Variants in PNPLA6 observed in about 807,000 individuals in gnomAD.
PNPLA6 encodes the protein patatin-like phospholipase domain-containing protein 6.
Under a neutral mutation model 153.7 loss-of-function variants are expected in PNPLA6, and 105 were observed. That is an observed-to-expected ratio of 0.68 (90% CI 0.58 to 0.80). The LOEUF (loss-of-function observed/expected upper bound fraction) is 0.80. PNPLA6 is among the 30% of genes least tolerant of loss of function. PNPLA6 has a pLI of 0.00. For synonymous variants in PNPLA6, 825 were observed against 822.2 expected (o/e 1.00, Z -0.06); for missense variants, 1,423 against 1,919.3 (o/e 0.74, Z 4.83).
At position 7,540,955 on chromosome 19, in the gene PNPLA6, C is replaced by G; in HGVS notation, c.828C>G (p.Ala276=). Residue 276 remains alanine (A), a synonymous_variant, in exon 7 of 32, where the codon GCC becomes GCG. Coordinates refer to ENST00000600737, the MANE Select transcript of PNPLA6 (RefSeq NM_001166114.2). This position sits in a 1 kb window ranked among gnomAD's most constrained non-coding sequence, Gnocchi z 6.8. Reference sequence around the variant, plus strand: ...AGCATCCCCAGCGGACCGTGTCTGCCCGGGCGGCCCGGGACTCCACGGTGC... The same window carrying G: ...AGCATCCCCAGCGGACCGTGTCTGCGCGGGCGGCCCGGGACTCCACGGTGC... ...GHQHPQRTVS[A]RAARDSTVLR... is the part of the protein sequence containing the mutation. The G allele has an allele frequency of 1.2e-6, 2 of 1,612,202 alleles. No individual in the cohort carries two copies. Among genetic ancestry groups the G allele is most frequent in the Non-Finnish European group, 8.5e-7 (1 of 1,179,706 alleles).
chr19:7,560,943 C>T, intron 29 of PNPLA6, 71 bp from the exon 30 acceptor site: 1 of 941,254 alleles, frequency 1.1e-6, no homozygotes, highest in Non-Finnish European at 1.7e-6. Flanking sequence ...CCCCAATGCA[C>T]CACTGGGCCC....
chr19:7,555,881 C>T lies in PNPLA6; in HGVS notation c.3093+118C>T. ...TCAGGGTGACCCTTCCTGATTAAAT[C>T]TATGATCCCCAGCTGTCCGGACTTT... On this transcript the variant is annotated intron_variant, in intron 24 of 31. Coordinates refer to ENST00000600737, the MANE Select transcript of PNPLA6 (RefSeq NM_001166114.2). The surrounding 1 kb of genome is among the most constrained non-coding windows in gnomAD (Gnocchi z 6.3). The T allele has an allele frequency of 9.3e-7, 1 of 1,078,720 alleles. No individual in the cohort carries two copies. Among genetic ancestry groups the T allele is most frequent in the Non-Finnish European group, 1.4e-6 (1 of 720,630 alleles). 66.8% of individuals were successfully genotyped at this position (1,078,720 alleles called of 1,614,324 possible).
At chr19:7,544,206 G>A (rs191894731) in intron 13 of PNPLA6, among the ~76,000 whole-genome samples, 6 of 151,700 alleles carry the variant, frequency 4.0e-5, no homozygotes, top group African/African-American at 1.2e-4. Context: ...CCGCCTCCTG[G>A]GTTCAAGCAA....
intron 1 of PNPLA6, 68 bp downstream of exon 1, chr19:7,536,088 C>A: frequency 6.4e-7 from 1 of 1,571,188 alleles, no homozygotes; most frequent in Non-Finnish European, 8.7e-7. Context: ...GGTCCCGAGG[C>A]GGCAGAGATG....
At position 7,555,174 on chromosome 19, in the gene PNPLA6, G is replaced by A. The variant is rs1188621713; in HGVS notation, c.2818-75G>A. The A allele has an allele frequency of 4.0e-5, 61 of 1,531,706 alleles. No individual in the cohort carries two copies. The highest frequency in any genetic ancestry group is 3.4e-4 in the Middle Eastern group (2 of 5,964). The allele number at this position is 1,531,706 out of a possible 1,614,324, so 94.9% of individuals were successfully genotyped here. On this transcript the variant is annotated intron_variant, in intron 22 of 31. Transcript: ENST00000600737. This position sits in a 1 kb window ranked among gnomAD's most constrained non-coding sequence, Gnocchi z 6.3. Reference sequence around the variant, plus strand: ...TGGGAGGGCTGAGGACAGGCTCGAAGGTCAGGGTACCCCTGGGGGATCCGC... The same window carrying A: ...TGGGAGGGCTGAGGACAGGCTCGAAAGTCAGGGTACCCCTGGGGGATCCGC...
chr19:7,535,772 A>C lies in PNPLA6; in HGVS notation c.-17A>C. On this transcript the variant is annotated 5_prime_UTR_variant, in exon 1 of 32. Transcript: ENST00000600737. This position sits in a 1 kb window ranked among gnomAD's most constrained non-coding sequence, Gnocchi z 5.0. ...GTCGCGCCCCCGGGGAGGGAGCAGCACTGGCCCATTCTGCAGATGGGGACA... is the reference window on the plus strand; with the variant it reads ...GTCGCGCCCCCGGGGAGGGAGCAGCCCTGGCCCATTCTGCAGATGGGGACA... The C allele has an allele frequency of 2.0e-6, 3 of 1,533,736 alleles. No homozygotes were observed. The highest frequency in any genetic ancestry group is 2.6e-6 in the Non-Finnish European group (3 of 1,144,684).
chr19:7,544,585 G>GCACC (rs2023303599), intron 13 of PNPLA6, among the ~76,000 whole-genome samples: 7 of 152,172 alleles, frequency 4.6e-5, no homozygotes, highest in Admixed American at 4.6e-4. Flanking sequence ...TTTAGCAGCA[G>GCACC]CTTATAGGGA....
At chr19:7,556,986 C>A in intron 26 of PNPLA6, 182 bp from the exon 27 acceptor site, 1 of 731,470 alleles carries the variant, frequency 1.4e-6, no homozygotes, top group African/African-American at 1.7e-5. Context: ...GCGTTACGTC[C>A]GGGCCAGCGC....
rs774240966 is a variant in PNPLA6 at position 7,542,938 on chromosome 19, C to G, written c.1530+10C>G. 6.2e-7 allele frequency: 1 copy of G among 1,613,738 alleles called. No individual in the cohort carries two copies. Among genetic ancestry groups the G allele is most frequent in the South Asian group, 1.1e-5 (1 of 91,080 alleles). On this transcript the variant is annotated intron_variant, in intron 12 of 31. Coordinates refer to ENST00000600737, the MANE Select transcript of PNPLA6 (RefSeq NM_001166114.2). ...GCTGATGCGGATTGAGGTGGGCAGC[C>G]GAGGGGAGCTGGGCACAGGGCGCAA...
At chr19:7,557,744 A>T (rs1185733010) in intron 27 of PNPLA6, among the ~76,000 whole-genome samples, 1 of 147,526 alleles carries the variant, frequency 6.8e-6, no homozygotes, top group African/African-American at 2.5e-5. Context: ...AGATCATGCT[A>T]CTGCACTCCA....
intron 13 of PNPLA6, 42 bp downstream of exon 13, chr19:7,543,126 A>T: frequency 6.5e-7 from 1 of 1,537,822 alleles, no homozygotes; most frequent in Non-Finnish European, 9.0e-7. Flanking sequence ...ACCTGAGATC[A>T]TTCCCTATGA....
chr19:7,559,705 G>A (rs1276379098), intron 28 of PNPLA6, among the ~76,000 whole-genome samples: 1 of 152,040 alleles, frequency 6.6e-6, no homozygotes, highest in Non-Finnish European at 1.5e-5. Flanking sequence ...TTAGCTGGGT[G>A]TGGTTGTGCA....
intron 2 of PNPLA6, 43 bp downstream of exon 2, chr19:7,536,316 C>G: frequency 6.6e-7 from 1 of 1,503,894 alleles, no homozygotes; most frequent in Non-Finnish European, 9.3e-7. Flanking sequence ...CACACAGAGG[C>G]CGCGCCCCTT....
At chr19:7,559,498 T>C (rs1481572583) in intron 28 of PNPLA6, among the ~76,000 whole-genome samples, 2 of 152,116 alleles carry the variant, frequency 1.3e-5, no homozygotes, top group Non-Finnish European at 2.9e-5. Flanking sequence ...GTGCGTGTGT[T>C]ATGTGCTACT....
Position 7,535,776 on chromosome 19 carries a change from G to A in PNPLA6, c.-13G>A. 6.5e-7 allele frequency: 1 copy of A among 1,534,330 alleles called. No homozygotes were observed. The highest frequency in any genetic ancestry group is 8.7e-7 in the Non-Finnish European group (1 of 1,145,076). ...CGCCCCCGGGGAGGGAGCAGCACTG[G>A]CCCATTCTGCAGATGGGGACATCGA... On this transcript the variant is annotated 5_prime_UTR_variant, in exon 1 of 32. Coordinates refer to ENST00000600737, the MANE Select transcript of PNPLA6 (RefSeq NM_001166114.2). The surrounding 1 kb of genome is among the most constrained non-coding windows in gnomAD (Gnocchi z 5.0).
chr19:7,542,609 G>A lies in PNPLA6; in HGVS notation c.1301G>A (p.Gly434Asp), dbSNP rs1197085007. 6.2e-7 allele frequency: 1 copy of A among 1,613,574 alleles called. No individual in the cohort carries two copies. The highest frequency in any genetic ancestry group is 1.3e-5 in the African/African-American group (1 of 74,940). The change falls in exon 11 of 32, where the codon GGC becomes GAC. Residue 434 changes from glycine to aspartate, a missense_variant. Physicochemically the swap from Gly to Asp is moderately conservative, Grantham distance 94. Coordinates refer to ENST00000600737, the MANE Select transcript of PNPLA6 (RefSeq NM_001166114.2). ...RSDFDMAYERGRISVSLQEEA... is the reference protein window; with the variant it reads ...RSDFDMAYERDRISVSLQEEA... The stretch of plus-strand genomic sequence containing the variant: ...GACTTCGACATGGCCTATGAGCGTG[G>A]CCGGATCTCCGTGTCCCTGCAGGAA...
At chr19:7,544,472 A>G (rs1411374359) in intron 13 of PNPLA6, among the ~76,000 whole-genome samples, 1 of 152,202 alleles carries the variant, frequency 6.6e-6, no homozygotes, top group Non-Finnish European at 1.5e-5. Context: ...CCTGATGGGT[A>G]GAGATCAGGG....
In PNPLA6 at chr19:7,540,674, C is replaced by A; in HGVS notation, c.759C>A (p.Ser253Arg). The A allele has an allele frequency of 3.1e-6, 5 of 1,613,762 alleles. No homozygotes were observed. Among genetic ancestry groups the A allele is most frequent in the South Asian group, 1.1e-5 (1 of 91,076 alleles). The change falls in exon 6 of 32, where the codon AGC (serine) becomes AGA (arginine). Residue 253 changes from serine to arginine, a missense_variant. This residue lies in a region of PNPLA6 where 118 missense variants were observed against 158.8 expected (regional missense o/e 0.74). Coordinates refer to ENST00000600737, the MANE Select transcript of PNPLA6 (RefSeq NM_001166114.2). This position sits in a 1 kb window ranked among gnomAD's most constrained non-coding sequence, Gnocchi z 6.8. ...TGAAGGAAGTGGTTCCTGGGGACAGCGTCAACAGCCTTCTCAGCATCCTGG... is the reference window on the plus strand; with the variant it reads ...TGAAGGAAGTGGTTCCTGGGGACAGAGTCAACAGCCTTCTCAGCATCCTGG... Reference protein sequence around the residue: ...CVVKEVVPGDSVNSLLSILDV... With the variant: ...CVVKEVVPGDRVNSLLSILDV...
In PNPLA6 at chr19:7,555,579, G is replaced by C. The variant is rs774786409; in HGVS notation, c.2937-28G>C. 14 of 1,609,310 alleles carry C rather than the reference G, an allele frequency of 8.7e-6. No homozygotes were observed. The highest frequency in any genetic ancestry group is 1.1e-5 in the Non-Finnish European group (13 of 1,178,202). ...GGAGTTCCTGCAGGTGGGGCCTAGC[G>C]GGTCACTGGGGCCCATTTTCCCGGC... On this transcript the variant is annotated intron_variant, in intron 23 of 31. Transcript: ENST00000600737. The surrounding 1 kb of genome is among the most constrained non-coding windows in gnomAD (Gnocchi z 6.3).
Sources: allele counts gnomAD v4.1 joint callset (sites outside exome capture counted in the v4.1 genomes callset), GRCh38; gene constraint gnomAD v4.1.1; regional missense constraint gnomAD v4.1.1; non-coding constraint Gnocchi (gnomAD v3.1); transcripts MANE v1.5; gene names NCBI Gene and HGNC (gene_info 2026-07-23, HGNC 2026-07-21).